Variants in ABCC1 observed in about 807,000 individuals in gnomAD.
ABCC1 encodes multidrug resistance-associated protein 1.
In ABCC1, 83 loss-of-function variants were observed where a neutral mutation model predicts 172.9. The ratio of observed to expected loss-of-function variants is 0.48; its 90% CI spans 0.40 to 0.58. ABCC1 has a LOEUF of 0.58. Among genes scored for constraint, ABCC1 ranks in the 20% least tolerant of loss-of-function variants. The pLI, the probability that ABCC1 is intolerant of heterozygous loss-of-function variation, is 0.00. For synonymous variants in ABCC1, 937 were observed against 825.2 expected, an observed-to-expected ratio of 1.14 and a Z score of -2.32; for missense variants, 1,817 against 2,002.7, an observed-to-expected ratio of 0.91 and a Z score of 1.77.
rs186899064 is a variant in ABCC1 at position 15,977,487 on chromosome 16, C to T, written c.48+27688C>T. ...CTGGACCCAAGTGATCCTCCTGCCT[C>T]GGTCTCCCAAAATACTGGGATTATA... is the stretch of plus-strand genomic sequence containing the variant. On this transcript the variant is annotated intron_variant, in intron 1 of 30. Coordinates refer to ENST00000399410, the MANE Select transcript of ABCC1 (RefSeq NM_004996.4). Among the ~76,000 whole-genome samples, 38 of 151,878 alleles carry T rather than the reference C, an allele frequency of 2.5e-4. 1 individual carries two copies. Among genetic ancestry groups the T allele is most frequent in the Admixed American group, 5.9e-4 (9 of 15,292 alleles).
At chr16:16,127,699 T>C (rs1286081631) in intron 26 of ABCC1, among the ~76,000 whole-genome samples, 1 of 151,986 alleles carries the variant, frequency 6.6e-6, no homozygotes, top group East Asian at 1.9e-4. Context: ...CCCTTGGGAG[T>C]GAGACCAAGG....
At chr16:16,063,993 A>G (rs1004396508) in intron 12 of ABCC1, among the ~76,000 whole-genome samples, 11 of 152,282 alleles carry the variant, frequency 7.2e-5, no homozygotes, top group Admixed American at 3.9e-4. Context: ...GAGGAGGTTC[A>G]TCTGTGGCTG....
Position 16,102,664 on chromosome 16 carries a change from G to A in ABCC1, c.2682G>A (p.Lys894=), listed in dbSNP as rs538024336. The A allele has an allele frequency of 3.1e-6, 5 of 1,592,570 alleles. No individual in the cohort carries two copies. The highest frequency in any genetic ancestry group is 2.3e-5 in the South Asian group (2 of 87,286). ...TGVSGPGKEA[K]QMENGMLVTD... ...TCAGCGGTCCAGGGAAGGAAGCAAAGCAAATGGAGAATGGCATGCTGGTGA... is the reference window on the plus strand; with the variant it reads ...TCAGCGGTCCAGGGAAGGAAGCAAAACAAATGGAGAATGGCATGCTGGTGA... Residue 894 remains lysine (K), a synonymous_variant, in exon 20 of 31, where the codon AAG becomes AAA. Transcript: ENST00000399410.
intron 27 of ABCC1, among the ~76,000 whole-genome samples, chr16:16,132,510 G>GGTTTT (rs1277380301): frequency 3.5e-4 from 13 of 37,298 alleles, no homozygotes; most frequent in African/African-American, 4.1e-4. Flanking sequence ...TTGGTTGGTT[G>GGTTTT]TTTTTTTTTT....
intron 10 of ABCC1, among the ~76,000 whole-genome samples, chr16:16,051,071 T>C (rs1470515274): frequency 2.0e-5 from 3 of 152,186 alleles, no homozygotes. Flanking sequence ...CATCACGTTT[T>C]GTTTTAGATG....
At chr16:16,048,348 C>T (rs1229687216) in intron 10 of ABCC1, 45 bp downstream of exon 10, 6 of 1,607,206 alleles carry the variant, frequency 3.7e-6, no homozygotes, top group African/African-American at 1.3e-5. Flanking sequence ...GGAGGGACTT[C>T]TACGTGTGGG....
At position 16,014,159 on chromosome 16, in the gene ABCC1, A is replaced by T. The variant is rs45553936; in HGVS notation, c.352-332A>T. On this transcript the variant is annotated intron_variant, in intron 3 of 30. Coordinates refer to ENST00000399410, the MANE Select transcript of ABCC1 (RefSeq NM_004996.4). ...TTTATTACGTGGTCCATTAAGAAAT[A>T]GTGTGGCTGGGAGCAGTGGCTCACA... 6.1e-3 allele frequency among the ~76,000 whole-genome samples: 925 copies of T among 152,304 alleles called. 10 individuals are homozygous for T. Among genetic ancestry groups the T allele is most frequent in the African/African-American group, 0.021 (886 of 41,576 alleles).
rs1035154190 is a variant in ABCC1 at position 15,983,492 on chromosome 16, A to G, written c.49-24324A>G. On this transcript the variant is annotated intron_variant, in intron 1 of 30. Coordinates refer to ENST00000399410, the MANE Select transcript of ABCC1 (RefSeq NM_004996.4). The stretch of plus-strand genomic sequence containing the variant: ...GGGTTTTCACCCAGGTCATGCAGAT[A>G]AGATTTATTAGGTGTGGAATGAACT... 2.4e-4 allele frequency among the ~76,000 whole-genome samples: 36 copies of G among 151,368 alleles called. 2 individuals are homozygous for G. Among genetic ancestry groups the G allele is most frequent in the African/African-American group, 8.5e-4 (35 of 40,958 alleles).
chr16:15,989,877 TTTTA>T (rs1283119180), intron 1 of ABCC1, among the ~76,000 whole-genome samples: 3 of 152,004 alleles, frequency 2.0e-5, no homozygotes, highest in Admixed American at 6.6e-5. Context: ...CTGGTTTTAT[TTTTA>T]TTTCTTTTTC....
At chr16:16,129,959 G>A (rs1359469074) in intron 26 of ABCC1, among the ~76,000 whole-genome samples, 1 of 152,240 alleles carries the variant, frequency 6.6e-6, no homozygotes, top group Non-Finnish European at 1.5e-5. Flanking sequence ...CTGCAGCCTG[G>A]TTCAGCACCT....
chr16:16,117,826 A>AACC (rs1334290784), intron 23 of ABCC1, among the ~76,000 whole-genome samples: 2 of 152,262 alleles, frequency 1.3e-5, no homozygotes, highest in East Asian at 3.9e-4. Context: ...GAATTGCTTG[A>AACC]ACCTGGGAGG....
chr16:15,990,343 G>T (rs577503403), intron 1 of ABCC1, among the ~76,000 whole-genome samples: 6 of 152,100 alleles, frequency 3.9e-5, no homozygotes, highest in African/African-American at 1.4e-4. Context: ...CATCACACCC[G>T]GCCATCAGCA....
chr16:16,132,867 C>T (rs2045759837), intron 27 of ABCC1, among the ~76,000 whole-genome samples: 1 of 152,054 alleles, frequency 6.6e-6, no homozygotes, highest in Admixed American at 6.6e-5. Flanking sequence ...ATCTGGAAGA[C>T]TTAATATAAA....
At chr16:16,104,963 G>A (rs2052005768) in intron 20 of ABCC1, among the ~76,000 whole-genome samples, 3 of 152,142 alleles carry the variant, frequency 2.0e-5, no homozygotes, top group Admixed American at 2.0e-4. Context: ...AACTAGCGCT[G>A]GCCCGCAAGC....
chr16:16,103,640 A>G (rs554274318), intron 20 of ABCC1, among the ~76,000 whole-genome samples: 1 of 152,128 alleles, frequency 6.6e-6, no homozygotes, highest in African/African-American at 2.4e-5. Context: ...AACAACAAAA[A>G]TTGACAAAGT....
At chr16:16,044,359 C>G (rs1024864219) in intron 7 of ABCC1, 91 bp from the exon 8 acceptor site, 11 of 1,155,528 alleles carry the variant, frequency 9.5e-6, no homozygotes, top group Non-Finnish European at 1.3e-5. Context: ...CTCTGCCTTC[C>G]CTGAAGGGTG....
chr16:15,996,166 G>T (rs1425348647), intron 1 of ABCC1, among the ~76,000 whole-genome samples: 2 of 151,780 alleles, frequency 1.3e-5, no homozygotes, highest in East Asian at 3.9e-4. Flanking sequence ...TGTACATTTA[G>T]TAGAGAGAGG....
chr16:15,986,913 G>A (rs1344412003), intron 1 of ABCC1, among the ~76,000 whole-genome samples: 2 of 152,110 alleles, frequency 1.3e-5, no homozygotes, highest in Non-Finnish European at 2.9e-5. Flanking sequence ...AGTGGCTCAC[G>A]CCTGTAATCC....
At chr16:15,991,150 T>C (rs1252249901) in intron 1 of ABCC1, among the ~76,000 whole-genome samples, 1 of 152,118 alleles carries the variant, frequency 6.6e-6, no homozygotes, top group Non-Finnish European at 1.5e-5. Context: ...AGGAGATCAC[T>C]GCTGTCGTCT....
Sources: allele counts gnomAD v4.1 joint callset (sites outside exome capture counted in the v4.1 genomes callset), GRCh38; gene constraint gnomAD v4.1.1; transcripts MANE v1.5; gene names NCBI Gene and HGNC (gene_info 2026-07-23, HGNC 2026-07-21).